The following UBE2R2 variants were observed in gnomAD, a reference collection of about 807,000 sequenced individuals.
UBE2R2 encodes the protein ubiquitin conjugating enzyme E2 R2.
UBE2R2 carries 1 observed loss-of-function variant against 27.8 expected under a neutral mutation model. That is an observed-to-expected ratio of 0.04 (90% CI 0.01 to 0.17). The LOEUF (loss-of-function observed/expected upper bound fraction) is 0.17. UBE2R2 is among the 10% of genes least tolerant of loss of function. UBE2R2 has a pLI of 1.00. For missense variants in UBE2R2, 100 were observed against 291.0 expected (o/e 0.34, Z 4.78); for synonymous variants, 106 against 113.3 (o/e 0.94, Z 0.41).
At chr9:33,893,232 T>A (rs1822027530) in intron 2 of UBE2R2, among the ~76,000 whole-genome samples, 1 of 152,216 alleles carries the variant, frequency 6.6e-6, no homozygotes, top group Non-Finnish European at 1.5e-5. Context: ...CGTTCCCATG[T>A]TCCCTCAATC....
intron 4 of UBE2R2, among the ~76,000 whole-genome samples, chr9:33,915,490 T>C (rs1490919244): frequency 6.6e-6 from 1 of 151,854 alleles, no homozygotes; most frequent in East Asian, 1.9e-4. Context: ...AGTGTGGAGA[T>C]TGAAGCCCAG....
chr9:33,824,182 TTC>T (rs1341210229), intron 1 of UBE2R2, among the ~76,000 whole-genome samples: 1 of 152,192 alleles, frequency 6.6e-6, no homozygotes, highest in Non-Finnish European at 1.5e-5. Context: ...ACCTTTTAAC[TTC>T]TTTTTGATTA....
At position 33,919,066 on chromosome 9, in the gene UBE2R2, T is replaced by C. The variant is rs568702240; in HGVS notation, c.*1829T>C. On this transcript the variant is annotated 3_prime_UTR_variant, in exon 5 of 5. Transcript: ENST00000263228. ...GACACTGTTGAGCCTGGTCCCAGAA[T>C]CTGTGATCTCCACAGGGCCAGGGTT... The C allele has an allele frequency of 1.3e-5, 2 of 152,624 alleles. No individual in the cohort carries two copies. Among genetic ancestry groups the C allele is most frequent in the Admixed American group, 1.3e-4 (2 of 15,288 alleles). 9.5% of individuals were successfully genotyped at this position (152,624 alleles called of 1,614,324 possible).
At chr9:33,896,533 C>T (rs894466364) in intron 2 of UBE2R2, among the ~76,000 whole-genome samples, 12 of 151,854 alleles carry the variant, frequency 7.9e-5, no homozygotes, top group African/African-American at 2.9e-4. Context: ...ACCTCCGCCT[C>T]CTGGGTTCAA....
In UBE2R2 at chr9:33,917,229, GAGTCGTGACGTGCTCCTTC is replaced by G; in HGVS notation, c.713_*14del. 6.2e-7 allele frequency: 1 copy of G among 1,614,128 alleles called. No individual in the cohort carries two copies. Among genetic ancestry groups the G allele is most frequent in the Non-Finnish European group, 8.5e-7 (1 of 1,180,042 alleles). On this transcript the variant is annotated stop_lost and 3_prime_UTR_variant, in exon 5 of 5. Transcript: ENST00000263228. ...TGATGATGATGATTCTGGGAATGAG[GAGTCGTGACGTGCTCCTTC>G]AGTGCCCCTGTACTGCCCTGCCATC...
intron 2 of UBE2R2, among the ~76,000 whole-genome samples, chr9:33,889,276 C>T (rs553770672): frequency 2.0e-5 from 3 of 152,320 alleles, no homozygotes; most frequent in East Asian, 3.9e-4. Flanking sequence ...GACCAAGCCA[C>T]CAGCACATTT....
rs540037503 is a variant in UBE2R2 at position 33,919,600 on chromosome 9, CTGGGTAAGTCTCT to C, written c.*2366_*2378del. The C allele has an allele frequency of 2.1e-5, 3 of 144,926 alleles. No individual in the cohort carries two copies. The South Asian group carries it at 7.2e-4, about 35-fold the overall frequency. 9.0% of individuals were successfully genotyped at this position (144,926 alleles called of 1,614,324 possible). On this transcript the variant is annotated 3_prime_UTR_variant, in exon 5 of 5. Coordinates refer to ENST00000263228, the MANE Select transcript of UBE2R2 (RefSeq NM_017811.4). ...GATGAGTACAATCAGTTCCAGAAGA[CTGGGTAAGTCTCT>C]TGCTAGCAGGTGGACATTCTGGTAT...
At chr9:33,886,777 C>A in intron 1 of UBE2R2, 104 bp from the exon 2 acceptor site, 1 of 915,014 alleles carries the variant, frequency 1.1e-6, no homozygotes, top group Non-Finnish European at 1.6e-6. Flanking sequence ...AGAGTTTACT[C>A]TATGAAAGGA....
At position 33,918,230 on chromosome 9, in the gene UBE2R2, CGTTTT is replaced by C. The variant is rs1205672826; in HGVS notation, c.*999_*1003del. The C allele has an allele frequency of 1.3e-5, 2 of 151,968 alleles. No homozygotes were observed. Among genetic ancestry groups the C allele is most frequent in the African/African-American group, 2.4e-5 (1 of 41,350 alleles). The allele number at this position is 151,968 out of a possible 1,614,324, so 9.4% of individuals were successfully genotyped here. ...CATCAAAAATACACTCGTACCATGA[CGTTTT>C]GTTTTTGTTTTTTAAGTAGCCACTT... On this transcript the variant is annotated 3_prime_UTR_variant, in exon 5 of 5. Transcript: ENST00000263228.
chr9:33,897,288 G>C (rs936374666), intron 2 of UBE2R2, among the ~76,000 whole-genome samples: 2 of 148,470 alleles, frequency 1.3e-5, no homozygotes, highest in Admixed American at 6.8e-5. Flanking sequence ...CGCTGGCCTC[G>C]GCCTCCCAAA....
chr9:33,823,380 A>T (rs10971715), intron 1 of UBE2R2, among the ~76,000 whole-genome samples: 30,459 of 149,570 alleles, frequency 0.2, 3,730 homozygotes, highest in East Asian at 0.58. Context: ...TTGAAAAAAA[A>T]TTTTTTTTTT....
intron 1 of UBE2R2, among the ~76,000 whole-genome samples, chr9:33,861,638 G>A (rs1234649845): frequency 2.0e-5 from 3 of 151,664 alleles, no homozygotes; most frequent in Non-Finnish European, 4.4e-5. Flanking sequence ...TAGATAATGG[G>A]AAACAACAGT....
rs1198367330 is a variant in UBE2R2, at chr9:33,919,603, G to GGTAA, written c.*2369_*2372dup. The GGTAA allele has an allele frequency of 1.7e-4, 17 of 99,888 alleles. No individual in the cohort carries two copies. The highest frequency in any genetic ancestry group is 8.9e-5 in the Admixed American group (1 of 11,282). 6.2% of individuals were successfully genotyped at this position (99,888 alleles called of 1,614,324 possible). ...GAGTACAATCAGTTCCAGAAGACTG[G>GGTAA]GTAAGTCTCTTGCTAGCAGGTGGAC... is the stretch of plus-strand genomic sequence containing the variant. On this transcript the variant is annotated 3_prime_UTR_variant, in exon 5 of 5. Coordinates refer to ENST00000263228, the MANE Select transcript of UBE2R2 (RefSeq NM_017811.4).
rs1822715596 is a variant in UBE2R2, at chr9:33,918,601, A to C, written c.*1364A>C. On this transcript the variant is annotated 3_prime_UTR_variant, in exon 5 of 5. Transcript: ENST00000263228. The stretch of plus-strand genomic sequence containing the variant: ...TGAGATCCAGCAGCCTTCACCATCC[A>C]GGAGACTTCAGAACTTGAAGGTAAT... 6.6e-6 allele frequency: 1 copy of C among 152,544 alleles called. No individual in the cohort carries two copies. Among genetic ancestry groups the C allele is most frequent in the Admixed American group, 6.5e-5 (1 of 15,304 alleles). The allele number at this position is 152,544 out of a possible 1,614,324, so 9.4% of individuals were successfully genotyped here. A position where few individuals can be genotyped will look rare whatever the true frequency, so the allele number is the denominator to read the frequency against.
At chr9:33,827,134 T>C (rs1314691643) in intron 1 of UBE2R2, among the ~76,000 whole-genome samples, 1 of 152,046 alleles carries the variant, frequency 6.6e-6, no homozygotes, top group Non-Finnish European at 1.5e-5. Context: ...TATTGTCTTA[T>C]TATTATTATT....
At chr9:33,901,953 G>A (rs185642956) in intron 3 of UBE2R2, among the ~76,000 whole-genome samples, 232 of 133,508 alleles carry the variant, frequency 1.7e-3, no homozygotes, top group Middle Eastern at 8.1e-3. Flanking sequence ...TTGCTCTGTC[G>A]CCCAGGCTGG....
intron 1 of UBE2R2, among the ~76,000 whole-genome samples, chr9:33,858,288 G>C (rs1190352313): frequency 6.6e-6 from 1 of 152,188 alleles, no homozygotes; most frequent in Admixed American, 6.5e-5. Context: ...AGAGACAGGA[G>C]ACACCTTCTG....
chr9:33,819,644 C>CTT (rs34319188), intron 1 of UBE2R2, among the ~76,000 whole-genome samples: 85 of 148,404 alleles, frequency 5.7e-4, no homozygotes, highest in African/African-American at 9.4e-4. Context: ...TGATACCTTT[C>CTT]TTTTTTTTTT....
intron 2 of UBE2R2, among the ~76,000 whole-genome samples, chr9:33,897,936 T>C (rs371031038): frequency 4.7e-5 from 7 of 150,496 alleles, no homozygotes; most frequent in African/African-American, 1.7e-4. Flanking sequence ...CCACCACGCC[T>C]GGCTAATTTT....
Sources: allele counts gnomAD v4.1 joint callset (sites outside exome capture counted in the v4.1 genomes callset), GRCh38; gene constraint gnomAD v4.1.1; transcripts MANE v1.5; gene names NCBI Gene and HGNC (gene_info 2026-07-23, HGNC 2026-07-21).